Variants in TRDN observed in about 807,000 individuals in gnomAD.
TRDN encodes the protein triadin.
In TRDN, 161 loss-of-function variants were observed where a neutral mutation model predicts 149.7. The observed-to-expected ratio is 1.08, with a 90% CI of 0.95 to 1.23. The LOEUF (loss-of-function observed/expected upper bound fraction) is 1.23. TRDN is among the 50% of genes most tolerant of loss of function. TRDN has a pLI of 0.00. For missense variants in TRDN, 896 were observed against 823.5 expected, an observed-to-expected ratio of 1.09 and a Z score of -1.08; for synonymous variants, 294 against 250.5, an observed-to-expected ratio of 1.17 and a Z score of -1.64.
chr6:123,261,818 A>AT (rs1776781207), intron 33 of TRDN, among the ~76,000 whole-genome samples: 1 of 151,876 alleles, frequency 6.6e-6, no homozygotes, highest in Non-Finnish European at 1.5e-5. Context: ...AATTTTGGCA[A>AT]TAGTGTTCAT....
chr6:123,396,676 G>C (rs964539406), intron 12 of TRDN, among the ~76,000 whole-genome samples: 1 of 152,140 alleles, frequency 6.6e-6, no homozygotes, highest in African/African-American at 2.4e-5. Context: ...TCATGAATCA[G>C]ATGAGCCAAA....
In TRDN at chr6:123,499,719, A is replaced by AAAAAAAAAAAAAAAATAT; in HGVS notation, c.794-2468_794-2467insATATTTTTTTTTTTTTTT. On this transcript the variant is annotated intron_variant, in intron 8 of 40. Transcript: ENST00000334268. ...ATTCTGGCTCAAAAAAAAAAAAAAAAATATATATATATATATATATATATA... is the reference window on the plus strand; with the variant it reads ...ATTCTGGCTCAAAAAAAAAAAAAAAAAAAAAAAAAAAAAAATATATATATATATATATATATATATATA... Among the ~76,000 whole-genome samples, 11 of 47,682 alleles carry AAAAAAAAAAAAAAAATAT rather than the reference A, an allele frequency of 2.3e-4. 1 individual carries two copies. The highest frequency in any genetic ancestry group is 5.7e-4 in the African/African-American group (8 of 14,020). 31.3% of individuals were successfully genotyped at this position (47,682 alleles called of 152,430 possible).
At chr6:123,356,022 T>C (rs1404890204) in intron 20 of TRDN, among the ~76,000 whole-genome samples, 1 of 151,800 alleles carries the variant, frequency 6.6e-6, no homozygotes, top group Non-Finnish European at 1.5e-5. Flanking sequence ...TTTTCCTCTA[T>C]AGATTGTTTT....
chr6:123,510,824 A>G (rs1562355669), intron 7 of TRDN, among the ~76,000 whole-genome samples: 1 of 151,976 alleles, frequency 6.6e-6, no homozygotes, highest in Non-Finnish European at 1.5e-5. Flanking sequence ...TTTAATTTTT[A>G]CTAGAGACAG....
At chr6:123,394,864 T>A (rs1772654733) in intron 12 of TRDN, among the ~76,000 whole-genome samples, 1 of 152,160 alleles carries the variant, frequency 6.6e-6, no homozygotes, top group Admixed American at 6.5e-5. Context: ...AATTAATTTT[T>A]TTTCTGGAGG....
intron 4 of TRDN, among the ~76,000 whole-genome samples, chr6:123,546,282 GC>G (rs1302693744): frequency 2.0e-5 from 3 of 152,070 alleles, no homozygotes; most frequent in Non-Finnish European, 4.4e-5. Context: ...ATTTCTGGAT[GC>G]CTTTGCCATA....
At chr6:123,262,511 T>C (rs909554415) in intron 33 of TRDN, among the ~76,000 whole-genome samples, 1 of 152,088 alleles carries the variant, frequency 6.6e-6, no homozygotes, top group African/African-American at 2.4e-5. Flanking sequence ...TGGTCCAGTG[T>C]CATAGACCTA....
intron 1 of TRDN, among the ~76,000 whole-genome samples, chr6:123,573,343 C>A (rs1048709336): frequency 6.6e-6 from 1 of 152,068 alleles, no homozygotes; most frequent in African/African-American, 2.4e-5. Flanking sequence ...TAATAAATGA[C>A]AATACAACAA....
intron 32 of TRDN, 119 bp from the exon 33 acceptor site, chr6:123,265,457 T>C: frequency 5.1e-6 from 3 of 585,188 alleles, no homozygotes; most frequent in East Asian, 3.3e-5. Flanking sequence ...ACTAAACTTA[T>C]ATCAACAATG....
intron 1 of TRDN, among the ~76,000 whole-genome samples, chr6:123,603,354 C>T (rs1784366698): frequency 6.6e-6 from 1 of 152,018 alleles, no homozygotes; most frequent in Admixed American, 6.6e-5. Flanking sequence ...TCAGAGTTAT[C>T]TCCCTTCCTC....
chr6:123,360,199 C>T (rs925879526), intron 20 of TRDN, among the ~76,000 whole-genome samples: 20 of 152,046 alleles, frequency 1.3e-4, no homozygotes, highest in African/African-American at 4.6e-4. Context: ...GTTGAACATA[C>T]AAGCCTGAAA....
chr6:123,323,813 T>C (rs775292884), intron 23 of TRDN, among the ~76,000 whole-genome samples: 32 of 152,246 alleles, frequency 2.1e-4, no homozygotes, highest in Admixed American at 1.3e-3. Context: ...CTTCTGATAG[T>C]GTCACTCTGC....
intron 10 of TRDN, among the ~76,000 whole-genome samples, chr6:123,463,360 T>A (rs142488844): frequency 0.026 from 3,016 of 114,076 alleles, 109 homozygotes; most frequent in African/African-American, 0.082. Flanking sequence ...AAATAAATAA[T>A]AAATAAATAA....
At chr6:123,317,700 T>C (rs1334876986) in intron 23 of TRDN, among the ~76,000 whole-genome samples, 1 of 152,008 alleles carries the variant, frequency 6.6e-6, no homozygotes, top group Non-Finnish European at 1.5e-5. Flanking sequence ...AATCACTCTT[T>C]AGATTTTAAG....
At chr6:123,448,223 T>C in intron 10 of TRDN, among the ~76,000 whole-genome samples, 1 of 152,016 alleles carries the variant, frequency 6.6e-6, no homozygotes, top group East Asian at 1.9e-4. Context: ...TTGAATGGGG[T>C]GAGAAGCCTC....
At chr6:123,333,364 T>C (rs906842851) in intron 22 of TRDN, among the ~76,000 whole-genome samples, 3 of 152,070 alleles carry the variant, frequency 2.0e-5, no homozygotes, top group South Asian at 2.1e-4. Flanking sequence ...CAGAACTACA[T>C]TGATTTTAGT....
chr6:123,301,580 C>T (rs944361695), intron 24 of TRDN, among the ~76,000 whole-genome samples: 1 of 151,106 alleles, frequency 6.6e-6, no homozygotes, highest in Non-Finnish European at 1.5e-5. Context: ...ATTGATTGCT[C>T]CACCAATATT....
intron 1 of TRDN, among the ~76,000 whole-genome samples, chr6:123,626,901 T>TA (rs143088970): frequency 0.045 from 6,702 of 148,948 alleles, 164 homozygotes; most frequent in African/African-American, 0.056. Flanking sequence ...AATGTTTTTT[T>TA]TAATTTTTTA....
intron 1 of TRDN, among the ~76,000 whole-genome samples, chr6:123,585,141 A>C (rs1285177683): frequency 7.5e-6 from 1 of 133,400 alleles, no homozygotes; most frequent in African/African-American, 2.6e-5. Flanking sequence ...TTGTGGGTTA[A>C]GGTGGGGGAA....
Sources: allele counts gnomAD v4.1 joint callset (sites outside exome capture counted in the v4.1 genomes callset), GRCh38; gene constraint gnomAD v4.1.1; transcripts MANE v1.5; gene names NCBI Gene and HGNC (gene_info 2026-07-23, HGNC 2026-07-21).